Variants in PRKN observed in about 807,000 individuals in gnomAD.
PRKN encodes the protein E3 ubiquitin-protein ligase parkin.
In PRKN, 56 loss-of-function variants were observed where a neutral mutation model predicts 59.5. The observed-to-expected ratio is 0.94, with a 90% CI of 0.76 to 1.18. PRKN has a LOEUF of 1.18. Ranked by LOEUF, PRKN falls within the 50% of genes most tolerant of loss-of-function variation. The probability of loss-of-function intolerance (pLI) is 0.00; values close to 1 mark genes in which losing one functional copy is unlikely to be tolerated. For missense variants in PRKN, 657 were observed against 596.4 expected (o/e 1.10, Z -1.06); for synonymous variants, 250 against 222.1 (o/e 1.13, Z -1.12).
intron 1 of PRKN, among the ~76,000 whole-genome samples, chr6:162,628,016 C>T (rs67840803): frequency 0.087 from 13,234 of 152,114 alleles, 728 homozygotes; most frequent in Middle Eastern, 0.18. Flanking sequence ...GAGTAGGACA[C>T]AATGTCATGA....
At chr6:162,183,962 G>A (rs2128323936) in intron 4 of PRKN, among the ~76,000 whole-genome samples, 1 of 152,310 alleles carries the variant, frequency 6.6e-6, no homozygotes, top group African/African-American at 2.4e-5. Flanking sequence ...TCTGTTGACA[G>A]GAATGCTCTA....
intron 6 of PRKN, among the ~76,000 whole-genome samples, chr6:161,813,849 T>C (rs945771714): frequency 6.6e-6 from 1 of 152,242 alleles, no homozygotes; most frequent in Non-Finnish European, 1.5e-5. Flanking sequence ...GGGGTGCTGA[T>C]GGAGCTGGCA....
At chr6:161,542,977 T>G (rs1372096354) in intron 9 of PRKN, among the ~76,000 whole-genome samples, 1 of 152,216 alleles carries the variant, frequency 6.6e-6, no homozygotes, top group Non-Finnish European at 1.5e-5. Flanking sequence ...AAATTAAAAT[T>G]GGCTTGAATA....
chr6:162,111,204 G>A (rs905969836), intron 4 of PRKN, among the ~76,000 whole-genome samples: 10 of 152,116 alleles, frequency 6.6e-5, no homozygotes, highest in African/African-American at 1.4e-4. Flanking sequence ...AGTAGATCAC[G>A]CCTTTAATCC....
intron 6 of PRKN, among the ~76,000 whole-genome samples, chr6:161,804,714 G>A (rs868433271): frequency 1.3e-5 from 2 of 152,174 alleles, no homozygotes; most frequent in Non-Finnish European, 2.9e-5. Flanking sequence ...CCAACAATGC[G>A]TTTTAGAGTT....
chr6:161,927,912 G>GA (rs1479947350), intron 6 of PRKN, among the ~76,000 whole-genome samples: 1 of 152,108 alleles, frequency 6.6e-6, no homozygotes, highest in Non-Finnish European at 1.5e-5. Context: ...CATTGTTAAG[G>GA]AAAAGAGTGA....
In PRKN at chr6:161,588,539, G is replaced by A. The variant is rs915204776; in HGVS notation, c.872-19123C>T. Among the ~76,000 whole-genome samples, 4 of 151,876 alleles carry A rather than the reference G, an allele frequency of 2.6e-5. No homozygotes were observed. Among genetic ancestry groups the A allele is most frequent in the Non-Finnish European group, 4.4e-5 (3 of 67,996 alleles). Reference sequence around the variant, plus strand: ...TGTTGCTCTTGCTTTTTTTAATGAAGGGAAGACTGGAAAAGGGAAAGTGAT... The same window carrying A: ...TGTTGCTCTTGCTTTTTTTAATGAAAGGAAGACTGGAAAAGGGAAAGTGAT... On this transcript the variant is annotated intron_variant, in intron 7 of 11. Transcript: ENST00000366898. The surrounding 1 kb of genome is among the most constrained non-coding windows in gnomAD (Gnocchi z 5.0).
intron 2 of PRKN, among the ~76,000 whole-genome samples, chr6:162,350,659 T>C (rs1038258023): frequency 1.3e-5 from 2 of 152,156 alleles, no homozygotes; most frequent in African/African-American, 2.4e-5. Flanking sequence ...TTACATCATA[T>C]ACAAAATTAA....
intron 7 of PRKN, among the ~76,000 whole-genome samples, chr6:161,647,770 T>C (rs963671469): frequency 6.6e-6 from 1 of 152,226 alleles, no homozygotes. Flanking sequence ...TCTTCAGTGT[T>C]AAGCATATTG....
chr6:161,602,822 C>T (rs577744400), intron 7 of PRKN, among the ~76,000 whole-genome samples: 1 of 152,144 alleles, frequency 6.6e-6, no homozygotes, highest in Non-Finnish European at 1.5e-5. Context: ...TATGAGTAAA[C>T]TAAGAACTCT....
At position 161,612,864 on chromosome 6, in the gene PRKN, C is replaced by T. The variant is rs536172995; in HGVS notation, c.872-43448G>A. Among the ~76,000 whole-genome samples, 15 of 152,172 alleles carry T rather than the reference C, an allele frequency of 9.9e-5. No individual in the cohort carries two copies. In the South Asian group the frequency reaches 2.9e-3, roughly 29 times the overall value. On this transcript the variant is annotated intron_variant, in intron 7 of 11. Coordinates refer to ENST00000366898, the MANE Select transcript of PRKN (RefSeq NM_004562.3). Reference sequence around the variant, plus strand: ...TTAAGCCCACTGTTGAGACCTACTGCTCAGAAAGAAATATTCCTTTCAAAA... The same window carrying T: ...TTAAGCCCACTGTTGAGACCTACTGTTCAGAAAGAAATATTCCTTTCAAAA...
At chr6:162,725,873 T>C (rs60176253) in intron 1 of PRKN, among the ~76,000 whole-genome samples, 9,351 of 152,290 alleles carry the variant, frequency 0.061, 393 homozygotes, top group Middle Eastern at 0.12. Flanking sequence ...GTAAGGCACA[T>C]TTCCTAGGGA....
At chr6:162,311,877 T>C (rs1224668120) in intron 2 of PRKN, among the ~76,000 whole-genome samples, 2 of 152,050 alleles carry the variant, frequency 1.3e-5, no homozygotes, top group African/African-American at 2.4e-5. Context: ...CTTTTCACTG[T>C]CTTTCTGTCT....
intron 1 of PRKN, among the ~76,000 whole-genome samples, chr6:162,504,533 G>A (rs761887673): frequency 1.3e-5 from 2 of 152,134 alleles, no homozygotes; most frequent in Non-Finnish European, 2.9e-5. Flanking sequence ...CTTGGTGTAC[G>A]ACAGATACAG....
At chr6:162,050,466 C>T (rs2128284395) in intron 5 of PRKN, among the ~76,000 whole-genome samples, 1 of 54,970 alleles carries the variant, frequency 1.8e-5, no homozygotes, top group South Asian at 5.1e-4. Context: ...CTATATTTCA[C>T]CCCCTCTCTT....
intron 2 of PRKN, among the ~76,000 whole-genome samples, chr6:162,330,158 G>A (rs907634073): frequency 2.6e-5 from 4 of 152,088 alleles, no homozygotes; most frequent in African/African-American, 9.7e-5. Context: ...TGAAAAAGAT[G>A]TCTCTTCTCA....
chr6:161,543,414 A>G (rs1024014901), intron 9 of PRKN, among the ~76,000 whole-genome samples: 1 of 152,214 alleles, frequency 6.6e-6, no homozygotes, highest in Non-Finnish European at 1.5e-5. Context: ...AAGAAAACCA[A>G]TGCAAGAAGA....
chr6:162,046,551 G>A (rs960810346), intron 5 of PRKN, among the ~76,000 whole-genome samples: 19 of 152,202 alleles, frequency 1.2e-4, no homozygotes, highest in Admixed American at 2.6e-4. Context: ...TATTTCACAC[G>A]TGCAGATTCT....
At chr6:162,507,966 T>C (rs1232187607) in intron 1 of PRKN, among the ~76,000 whole-genome samples, 1 of 152,200 alleles carries the variant, frequency 6.6e-6, no homozygotes, top group Non-Finnish European at 1.5e-5. Flanking sequence ...CCAAACTCTA[T>C]GATTAAGAAA....
Sources: gnomAD v4.1 joint callset for allele counts (sites outside exome capture counted in the v4.1 genomes callset) on GRCh38, gnomAD v4.1.1 for gene constraint, Gnocchi (gnomAD v3.1) non-coding constraint, MANE v1.5 for transcripts, NCBI Gene and HGNC (gene_info 2026-07-23, HGNC 2026-07-21) for gene names.